Variants in GABPB2 observed in about 807,000 individuals in gnomAD.
GABPB2 encodes the protein GA binding protein transcription factor subunit beta 2, also known as GA-binding protein subunit beta-2.
GABPB2 carries 23 observed loss-of-function variants against 39.1 expected under a neutral mutation model. That is an observed-to-expected ratio of 0.59 (90% CI 0.42 to 0.83). The LOEUF is 0.83. Ranked by LOEUF, GABPB2 falls within the 40% of genes least tolerant of loss-of-function variation. GABPB2 has a pLI of 0.00. For missense variants in GABPB2, 467 were observed against 541.1 expected, an observed-to-expected ratio of 0.86 and a Z score of 1.36; for synonymous variants, 184 against 199.3, an observed-to-expected ratio of 0.92 and a Z score of 0.65.
intron 1 of GABPB2, among the ~76,000 whole-genome samples, chr1:151,083,393 A>AGG (rs1452758001): frequency 6.6e-6 from 1 of 152,188 alleles, no homozygotes; most frequent in East Asian, 1.9e-4. Context: ...GCACTTTGGG[A>AGG]GGCTGAGGCA....
At position 151,091,409 on chromosome 1, in the gene GABPB2, AT is replaced by A. The variant is rs1198497263; in HGVS notation, c.276+848del. ...GACTGTTTTCTAATTTATTAAAACAATTTTTTTTTTTTGAGATGAACTCTCA... is the reference window on the plus strand; with the variant it reads ...GACTGTTTTCTAATTTATTAAAACAATTTTTTTTTTTGAGATGAACTCTCA... On this transcript the variant is annotated intron_variant, in intron 3 of 8. Transcript: ENST00000368918. Among the ~76,000 whole-genome samples the A allele has an allele frequency of 2.3e-3, 297 of 127,052 alleles. 3 individuals carry two copies. The highest frequency in any genetic ancestry group is 6.6e-3 in the African/African-American group (220 of 33,558). 83.4% of individuals were successfully genotyped at this position (127,052 alleles called of 152,430 possible).
intron 2 of GABPB2, among the ~76,000 whole-genome samples, chr1:151,089,109 C>T (rs1220549816): frequency 6.6e-6 from 1 of 152,124 alleles, no homozygotes; most frequent in Non-Finnish European, 1.5e-5. Context: ...TCAGAAGAAA[C>T]AGGTCCAAGT....
chr1:151,103,697 G>A (rs143140147), intron 6 of GABPB2, 22 bp downstream of exon 6: 4 of 1,454,488 alleles, frequency 2.8e-6, no homozygotes, highest in Non-Finnish European at 3.9e-6. Flanking sequence ...ATATGCTGCT[G>A]GGTGAATCAC....
chr1:151,102,009 A>G (rs1679564432), intron 5 of GABPB2, among the ~76,000 whole-genome samples: 1 of 152,222 alleles, frequency 6.6e-6, no homozygotes. Flanking sequence ...GAAGAAGGTT[A>G]TGAACAAAGT....
intron 7 of GABPB2, among the ~76,000 whole-genome samples, chr1:151,114,166 C>T (rs1257798112): frequency 6.6e-6 from 1 of 150,532 alleles, no homozygotes; most frequent in Admixed American, 6.7e-5. Flanking sequence ...GACGATATGA[C>T]GAAACCCATC....
intron 1 of GABPB2, among the ~76,000 whole-genome samples, chr1:151,075,653 G>T (rs1224946105): frequency 6.6e-6 from 1 of 150,708 alleles, no homozygotes; most frequent in Non-Finnish European, 1.5e-5. Context: ...AAGTTGCAGC[G>T]AGCTGAGACT....
chr1:151,073,025 T>G (rs1038336031), intron 1 of GABPB2: 2 of 152,286 alleles, frequency 1.3e-5, no homozygotes, highest in African/African-American at 4.8e-5. Flanking sequence ...CTTTTTTTAT[T>G]TTTTTGTTTT....
chr1:151,077,211 C>T (rs1677240437), intron 1 of GABPB2, among the ~76,000 whole-genome samples: 1 of 152,118 alleles, frequency 6.6e-6, no homozygotes, highest in South Asian at 2.1e-4. Flanking sequence ...GTTGGGAAAA[C>T]TGGCCTCATA....
At chr1:151,117,586 TTTC>T (rs893761844) in intron 8 of GABPB2, 70 bp downstream of exon 8, 3 of 1,507,288 alleles carry the variant, frequency 2.0e-6, no homozygotes, top group African/African-American at 2.8e-5. Flanking sequence ...TTCTTCATCT[TTTC>T]TTTTTTCTTT....
At chr1:151,091,465 CAAAAAAAAAAAAAAAAA>C (rs34351787) in intron 3 of GABPB2, among the ~76,000 whole-genome samples, 1 of 73,444 alleles carries the variant, frequency 1.4e-5, no homozygotes, top group African/African-American at 5.7e-5. Context: ...TCCTGTGTCT[CAAAAAAAAAAAAAAAAA>C]AAAAAAAAAA....
At chr1:151,117,631 T>C (rs1680977953) in intron 8 of GABPB2, 115 bp downstream of exon 8, 2 of 1,101,132 alleles carry the variant, frequency 1.8e-6, no homozygotes, top group South Asian at 3.2e-5. Context: ...TTGCCCAGGC[T>C]GGAGTACAGT....
At chr1:151,100,355 G>A (rs1679417831) in intron 5 of GABPB2, among the ~76,000 whole-genome samples, 1 of 151,672 alleles carries the variant, frequency 6.6e-6, no homozygotes, top group South Asian at 2.1e-4. Flanking sequence ...ATGTTGGCCA[G>A]GCTGGTCTCG....
Position 151,121,137 on chromosome 1 carries a change from T to C in GABPB2, c.*2881T>C, listed in dbSNP as rs920975723. 1 of 152,236 alleles carries C rather than the reference T, an allele frequency of 6.6e-6. No individual in the cohort carries two copies. Among genetic ancestry groups the C allele is most frequent in the Non-Finnish European group, 1.5e-5 (1 of 68,054 alleles). The allele number at this position is 152,236 out of a possible 1,614,324, so 9.4% of individuals were successfully genotyped here. A position where few individuals can be genotyped will look rare whatever the true frequency, so the allele number is the denominator to read the frequency against. On this transcript the variant is annotated 3_prime_UTR_variant, in exon 9 of 9. Transcript: ENST00000368918. ...ATTGTGCTTTTCTGTGGAGCTTATA[T>C]CTTATCCTCTTATGTGCAACAAAAA...
chr1:151,099,081 T>G, intron 5 of GABPB2, among the ~76,000 whole-genome samples: 1 of 50,258 alleles, frequency 2.0e-5, no homozygotes, highest in East Asian at 8.8e-4. Context: ...TGAAACTTCA[T>G]CTCAAAAAAA....
chr1:151,093,684 A>G (rs1172742148), intron 4 of GABPB2, among the ~76,000 whole-genome samples: 1 of 151,628 alleles, frequency 6.6e-6, no homozygotes, highest in Non-Finnish European at 1.5e-5. Context: ...TGTTGTGGCT[A>G]GTACCAAAAA....
intron 4 of GABPB2, among the ~76,000 whole-genome samples, chr1:151,094,322 G>T (rs941561106): frequency 1.3e-5 from 2 of 151,390 alleles, no homozygotes; most frequent in African/African-American, 4.9e-5. Context: ...AAAGTGCTGG[G>T]ATTACAAGTG....
intron 7 of GABPB2, among the ~76,000 whole-genome samples, chr1:151,114,682 C>T (rs587602649): frequency 2.0e-5 from 3 of 149,012 alleles, no homozygotes; most frequent in African/African-American, 7.4e-5. Context: ...GGAGACAGAG[C>T]GAGACTCTGT....
chr1:151,106,288 A>G (rs1355324278), intron 6 of GABPB2, among the ~76,000 whole-genome samples: 2 of 148,182 alleles, frequency 1.3e-5, no homozygotes, highest in Admixed American at 6.8e-5. Flanking sequence ...ATACTTTCTG[A>G]AAAAAAAAGG....
At chr1:151,075,985 G>C (rs926829895) in intron 1 of GABPB2, among the ~76,000 whole-genome samples, 4 of 152,126 alleles carry the variant, frequency 2.6e-5, no homozygotes, top group African/African-American at 9.7e-5. Flanking sequence ...AGGGTCTCTT[G>C]TATTCAGGGT....
Sources: allele counts gnomAD v4.1 joint callset (sites outside exome capture counted in the v4.1 genomes callset), GRCh38; gene constraint gnomAD v4.1.1; transcripts MANE v1.5; gene names NCBI Gene and HGNC (gene_info 2026-07-23, HGNC 2026-07-21).